The following PTBP2 variants were observed in gnomAD, a reference collection of about 807,000 sequenced individuals.
PTBP2 encodes the protein polypyrimidine tract binding protein 2.
In PTBP2, 13 loss-of-function variants were observed where a neutral mutation model predicts 61.4. The ratio of observed to expected loss-of-function variants is 0.21; its 90% confidence interval spans 0.14 to 0.34. The LOEUF (loss-of-function observed/expected upper bound fraction) is 0.34. Among genes scored for constraint, PTBP2 ranks in the 10% least tolerant of loss-of-function variants. The pLI is 1.00. For missense variants in PTBP2, 405 were observed against 642.6 expected (o/e 0.63, Z 4.00); for synonymous variants, 215 against 218.5 (o/e 0.98, Z 0.14).
At chr1:96,745,232 G>T (rs796300997) in intron 2 of PTBP2, among the ~76,000 whole-genome samples, 1 of 151,162 alleles carries the variant, frequency 6.6e-6, no homozygotes, top group East Asian at 1.9e-4. Context: ...GTGTCATCTC[G>T]GCTCACAGCA....
intron 9 of PTBP2, among the ~76,000 whole-genome samples, 195 bp from the exon 10 acceptor site, chr1:96,806,224 A>G (rs151232160): frequency 5.9e-5 from 9 of 151,662 alleles, no homozygotes; most frequent in Non-Finnish European, 7.4e-5. Context: ...TCCATTCCCT[A>G]TGTTCATGCT....
intron 2 of PTBP2, among the ~76,000 whole-genome samples, chr1:96,732,866 G>A (rs1651617324): frequency 6.6e-6 from 1 of 152,124 alleles, no homozygotes; most frequent in Non-Finnish European, 1.5e-5. Flanking sequence ...CTAACAGCTT[G>A]TATATGGATA....
In PTBP2 at chr1:96,733,763, G is replaced by C. The variant is rs979883052; in HGVS notation, c.39+10169G>C. Among the ~76,000 whole-genome samples the C allele has an allele frequency of 3.9e-5, 6 of 152,260 alleles. No individual in the cohort carries two copies. The South Asian group carries it at 8.3e-4, about 21-fold the overall frequency. The stretch of plus-strand genomic sequence containing the variant: ...AATTACACAGGTCCACTTATGCATA[G>C]ATCCACTTATACAGAATTTTCTTCT... On this transcript the variant is annotated intron_variant, in intron 2 of 13. Transcript: ENST00000674951.
intron 3 of PTBP2, among the ~76,000 whole-genome samples, chr1:96,759,863 TAATG>T (rs564656311): frequency 6.6e-5 from 10 of 152,306 alleles, no homozygotes; most frequent in Non-Finnish European, 1.5e-4. Context: ...GAAACCAGTT[TAATG>T]AATTTACAAT....
At chr1:96,764,126 C>A (rs981368445) in intron 3 of PTBP2, among the ~76,000 whole-genome samples, 1 of 152,170 alleles carries the variant, frequency 6.6e-6, no homozygotes, top group African/African-American at 2.4e-5. Context: ...CAGCCTTTCC[C>A]TTATCTGTGC....
intron 2 of PTBP2, among the ~76,000 whole-genome samples, chr1:96,735,212 C>T (rs1190426036): frequency 6.6e-6 from 1 of 152,048 alleles, no homozygotes; most frequent in East Asian, 1.9e-4. Context: ...GCCACTGTGC[C>T]TGGCCAATAA....
At chr1:96,816,597 A>G (rs989784416), downstream of PTBP2, 18 of 152,188 alleles carry the variant, frequency 1.2e-4, no homozygotes, top group African/African-American at 4.3e-4. Context: ...AGGAAGTGTA[A>G]TGAATCATTA....
At chr1:96,725,793 A>C (rs554629869) in intron 2 of PTBP2, among the ~76,000 whole-genome samples, 2 of 152,206 alleles carry the variant, frequency 1.3e-5, no homozygotes, top group East Asian at 3.9e-4. Context: ...ATTTAAAAAA[A>C]TTCAGGCCGG....
intron 3 of PTBP2, among the ~76,000 whole-genome samples, chr1:96,766,298 T>C (rs1383792427): frequency 1.3e-5 from 2 of 152,238 alleles, no homozygotes; most frequent in Non-Finnish European, 2.9e-5. Flanking sequence ...TTTACATTCA[T>C]ATACAATGAA....
intron 5 of PTBP2, chr1:96,771,306 A>AAACATT (rs1436685997): frequency 6.5e-6 from 1 of 153,116 alleles, no homozygotes; most frequent in Non-Finnish European, 1.5e-5. Flanking sequence ...TAAAAATGTA[A>AAACATT]TATAGAAGAT....
intron 2 of PTBP2, among the ~76,000 whole-genome samples, chr1:96,746,756 A>G (rs1237313906): frequency 1.4e-5 from 2 of 146,120 alleles, no homozygotes; most frequent in Non-Finnish European, 1.5e-5. Flanking sequence ...TCTTTTGGTT[A>G]TTTGTGTTGC....
intron 2 of PTBP2, among the ~76,000 whole-genome samples, chr1:96,741,645 T>A (rs1653045465): frequency 6.6e-6 from 1 of 152,210 alleles, no homozygotes; most frequent in Non-Finnish European, 1.5e-5. Context: ...TTGTAAATTT[T>A]AATGGGACAT....
rs1463963120 is a variant in PTBP2, at chr1:96,813,547, A to G, written c.*142A>G. 1 of 753,376 alleles carries G rather than the reference A, an allele frequency of 1.3e-6. No homozygotes were observed. Among genetic ancestry groups the G allele is most frequent in the Non-Finnish European group, 1.9e-6 (1 of 521,822 alleles). The allele number at this position is 753,376 out of a possible 1,614,324, so 46.7% of individuals were successfully genotyped here. ...TCTTTTTTTTTTCCATGCTGTTATC[A>G]TTCCTTGGTTATAAAATGAAATGGC... On this transcript the variant is annotated 3_prime_UTR_variant, in exon 14 of 14. Coordinates refer to ENST00000674951, the MANE Select transcript of PTBP2 (RefSeq NM_021190.4).
chr1:96,801,270 T>G (rs1374912147), intron 8 of PTBP2, among the ~76,000 whole-genome samples: 2 of 152,170 alleles, frequency 1.3e-5, no homozygotes, highest in Non-Finnish European at 2.9e-5. Flanking sequence ...AAAAAACATG[T>G]GTCATATATT....
At chr1:96,762,123 C>T (rs1366072181) in intron 3 of PTBP2, among the ~76,000 whole-genome samples, 3 of 151,136 alleles carry the variant, frequency 2.0e-5, no homozygotes, top group Non-Finnish European at 4.4e-5. Context: ...TCTCCCATGT[C>T]TACCTCTTTC....
chr1:96,729,649 T>C (rs1213175914), intron 2 of PTBP2, among the ~76,000 whole-genome samples: 1 of 152,188 alleles, frequency 6.6e-6, no homozygotes, highest in Non-Finnish European at 1.5e-5. Context: ...GAGTGAACTT[T>C]GGTAATTTGT....
chr1:96,796,650 G>A (rs188449699), intron 8 of PTBP2, among the ~76,000 whole-genome samples: 68 of 152,260 alleles, frequency 4.5e-4, no homozygotes, highest in African/African-American at 1.4e-3. Context: ...GTCAAGCCCA[G>A]ATGAAAGCAT....
At chr1:96,778,353 A>C (rs1331297700) in intron 7 of PTBP2, among the ~76,000 whole-genome samples, 1 of 150,610 alleles carries the variant, frequency 6.6e-6, no homozygotes, top group Non-Finnish European at 1.5e-5. Flanking sequence ...ATAGGCTCTC[A>C]GTTTATTTAA....
intron 2 of PTBP2, among the ~76,000 whole-genome samples, chr1:96,738,006 T>C (rs992833218): frequency 1.6e-4 from 24 of 152,170 alleles, no homozygotes; most frequent in Non-Finnish European, 1.8e-4. Flanking sequence ...TTGTAAGTGT[T>C]GAACTCCAAT....
Sources: gnomAD v4.1 joint callset for allele counts (sites outside exome capture counted in the v4.1 genomes callset) on GRCh38, gnomAD v4.1.1 for gene constraint, MANE v1.5 for transcripts, NCBI Gene and HGNC (gene_info 2026-07-23, HGNC 2026-07-21) for gene names.